Variants in HUNK observed in about 807,000 individuals in gnomAD.
HUNK encodes hormonally up-regulated neu tumor-associated kinase.
HUNK carries 21 observed loss-of-function variants against 61.0 expected under a neutral mutation model. The ratio of observed to expected loss-of-function variants is 0.34; its 90% CI spans 0.24 to 0.50. The LOEUF (loss-of-function observed/expected upper bound fraction) is 0.50. HUNK is among the 20% of genes least tolerant of loss of function. HUNK has a pLI of 0.98. For synonymous variants in HUNK, 371 were observed against 386.1 expected (o/e 0.96, Z 0.46); for missense variants, 772 against 945.7 (o/e 0.82, Z 2.41).
chr21:31,888,915 T>G (rs949942671), intron 1 of HUNK, among the ~76,000 whole-genome samples: 10 of 152,298 alleles, frequency 6.6e-5, no homozygotes, highest in African/African-American at 2.4e-4. Context: ...ATACACGTTT[T>G]TGTTAGCAGA....
At chr21:31,935,577 C>T (rs1169914467) in intron 2 of HUNK, among the ~76,000 whole-genome samples, 3 of 152,034 alleles carry the variant, frequency 2.0e-5, no homozygotes, top group East Asian at 1.9e-4. Flanking sequence ...CCTTTTTTCC[C>T]TCTCACACCC....
At chr21:31,885,430 C>G (rs943027713) in intron 1 of HUNK, among the ~76,000 whole-genome samples, 27 of 152,322 alleles carry the variant, frequency 1.8e-4, no homozygotes, top group African/African-American at 6.0e-4. Context: ...TGCCCTGTCC[C>G]CTGTCACTCT....
Position 32,000,441 on chromosome 21 carries a change from G to A in HUNK, c.*1257G>A, listed in dbSNP as rs1462362804. The stretch of plus-strand genomic sequence containing the variant: ...CAGTATTGTGTCTGTGCCCCTGTGT[G>A]TGTTTTGTGGACAGCCGTGTTGTCT... On this transcript the variant is annotated 3_prime_UTR_variant, in exon 11 of 11. Transcript: ENST00000270112. 4 of 399,072 alleles carry A rather than the reference G, an allele frequency of 1.0e-5. No individual in the cohort carries two copies. Among genetic ancestry groups the A allele is most frequent in the Non-Finnish European group, 1.8e-5 (4 of 226,140 alleles). The allele number at this position is 399,072 out of a possible 1,614,324, so 24.7% of individuals were successfully genotyped here. A position where few individuals can be genotyped will look rare whatever the true frequency, so the allele number is the denominator to read the frequency against.
At chr21:31,875,040 G>A (rs900342461) in intron 1 of HUNK, among the ~76,000 whole-genome samples, 1 of 152,190 alleles carries the variant, frequency 6.6e-6, no homozygotes, top group African/African-American at 2.4e-5. Context: ...CAGGCTGGGG[G>A]TGGCTCAAAC....
At chr21:31,954,219 T>C (rs1298708026) in intron 4 of HUNK, among the ~76,000 whole-genome samples, 1 of 152,184 alleles carries the variant, frequency 6.6e-6, no homozygotes, top group East Asian at 1.9e-4. Flanking sequence ...ATCTGCACTA[T>C]ACGACACCCC....
intron 4 of HUNK, among the ~76,000 whole-genome samples, chr21:31,953,243 CTTTT>C (rs397948129): frequency 1.5e-5 from 2 of 134,864 alleles, no homozygotes; most frequent in Admixed American, 7.4e-5. Context: ...GGTTTCCATT[CTTTT>C]TTTTTTTTTT....
Position 32,000,518 on chromosome 21 carries a change from A to G in HUNK, c.*1334A>G. ...GGTGCAGTCATTGGTGAGAAGAATC[A>G]GAAAAAGAAGACCCATCAGCACAGG... On this transcript the variant is annotated 3_prime_UTR_variant, in exon 11 of 11. Transcript: ENST00000270112. 2.5e-6 allele frequency: 1 copy of G among 399,266 alleles called. No homozygotes were observed. Among genetic ancestry groups the G allele is most frequent in the Non-Finnish European group, 4.4e-6 (1 of 226,204 alleles). The allele number at this position is 399,266 out of a possible 1,614,324, so 24.7% of individuals were successfully genotyped here.
chr21:31,892,181 A>AGAGG (rs1491306976), intron 1 of HUNK, among the ~76,000 whole-genome samples: 2 of 48,400 alleles, frequency 4.1e-5, no homozygotes, highest in South Asian at 4.9e-4. Flanking sequence ...ATATATATAT[A>AGAGG]GAGAGAGAGA....
chr21:31,884,646 C>T (rs781466238), intron 1 of HUNK, among the ~76,000 whole-genome samples: 5 of 152,048 alleles, frequency 3.3e-5, no homozygotes, highest in Non-Finnish European at 7.4e-5. Flanking sequence ...TGTCCTTCCA[C>T]CATATGAGGA....
chr21:32,000,012 G>A lies in HUNK; in HGVS notation c.*828G>A. On this transcript the variant is annotated 3_prime_UTR_variant, in exon 11 of 11. Transcript: ENST00000270112. ...GTGGAGAGCAAAAAAGCTGACTGTG[G>A]TGATTTGCTGAGTGCTGTGGCCCAC... is the stretch of plus-strand genomic sequence containing the variant. The A allele has an allele frequency of 2.5e-6, 1 of 397,436 alleles. No homozygotes were observed. The highest frequency in any genetic ancestry group is 4.4e-6 in the Non-Finnish European group (1 of 225,832). 24.6% of individuals were successfully genotyped at this position (397,436 alleles called of 1,614,324 possible). A position where few individuals can be genotyped will look rare whatever the true frequency, so the allele number is the denominator to read the frequency against.
intron 4 of HUNK, among the ~76,000 whole-genome samples, chr21:31,951,587 C>T (rs1222915144): frequency 6.6e-6 from 1 of 152,062 alleles, no homozygotes; most frequent in Non-Finnish European, 1.5e-5. Flanking sequence ...CTGGTGCCTC[C>T]TGGAGAGTCA....
chr21:31,922,136 C>G (rs774793893), intron 1 of HUNK, among the ~76,000 whole-genome samples: 8 of 151,646 alleles, frequency 5.3e-5, no homozygotes, highest in Non-Finnish European at 8.8e-5. Context: ...CCTGCCTCAG[C>G]CTCCTGAGTA....
In HUNK at chr21:31,958,846, T is replaced by A; in HGVS notation, c.750T>A (p.Gly250=). 2.1e-5 allele frequency: 33 copies of A among 1,596,682 alleles called. No homozygotes were observed. The highest frequency in any genetic ancestry group is 2.8e-5 in the Non-Finnish European group (33 of 1,171,472). Residue 250 remains glycine (G), a synonymous_variant, in exon 5 of 11, where the codon GGT becomes GGA. Transcript: ENST00000270112. The part of the protein sequence containing the change: ...YGPKIDVWSI[G]VNMYAMLTGT... Reference sequence around the variant, plus strand: ...ATGTGTATGTCTCTCTTTTCAGAGGTGTGAACATGTATGCCATGTTGACCG... The same window carrying A: ...ATGTGTATGTCTCTCTTTTCAGAGGAGTGAACATGTATGCCATGTTGACCG...
chr21:31,966,070 TC>T, intron 5 of HUNK, among the ~76,000 whole-genome samples: 1 of 152,056 alleles, frequency 6.6e-6, no homozygotes, highest in Non-Finnish European at 1.5e-5. Context: ...CTCCTACCCT[TC>T]CCTCCAAGTC....
chr21:31,985,101 A>C (rs891386826), intron 8 of HUNK, among the ~76,000 whole-genome samples: 1 of 152,124 alleles, frequency 6.6e-6, no homozygotes. Flanking sequence ...TGATTCAGTG[A>C]TCTCCACCTG....
At chr21:31,879,548 G>A (rs1056970665) in intron 1 of HUNK, among the ~76,000 whole-genome samples, 3 of 152,188 alleles carry the variant, frequency 2.0e-5, no homozygotes, top group Non-Finnish European at 2.9e-5. Flanking sequence ...TGCAGAAACG[G>A]TGCCCACGGA....
chr21:31,937,840 G>A (rs987792752), intron 2 of HUNK, among the ~76,000 whole-genome samples: 2 of 152,194 alleles, frequency 1.3e-5, no homozygotes, highest in East Asian at 1.9e-4. Context: ...TTGGAAAAGC[G>A]AGGATATCAC....
chr21:31,877,777 T>A (rs1568914128), intron 1 of HUNK, among the ~76,000 whole-genome samples: 1 of 152,116 alleles, frequency 6.6e-6, no homozygotes, highest in Non-Finnish European at 1.5e-5. Flanking sequence ...TTGAAACACC[T>A]GGAGTGGTTG....
chr21:31,992,872 G>A (rs1269806088), intron 9 of HUNK, among the ~76,000 whole-genome samples: 2 of 152,230 alleles, frequency 1.3e-5, no homozygotes, highest in African/African-American at 2.4e-5. Flanking sequence ...TTCTCTGGGC[G>A]GTTGACCCTT....
Sources: gnomAD v4.1 joint callset for allele counts (sites outside exome capture counted in the v4.1 genomes callset) on GRCh38, gnomAD v4.1.1 for gene constraint, MANE v1.5 for transcripts, NCBI Gene and HGNC (gene_info 2026-07-23, HGNC 2026-07-21) for gene names.